The following GPR158 variants were observed in gnomAD, a reference collection of about 807,000 sequenced individuals.
The protein encoded by GPR158 is metabotropic glycine receptor.
Under a neutral mutation model 78.2 loss-of-function variants are expected in GPR158, and 30 were observed. The observed-to-expected ratio is 0.38, with a 90% CI of 0.29 to 0.52. The LOEUF is 0.52. Among genes scored for constraint, GPR158 ranks in the 20% least tolerant of loss-of-function variants. GPR158 has a pLI of 0.83. For synonymous variants in GPR158, 581 were observed against 591.1 expected, an observed-to-expected ratio of 0.98 and a Z score of 0.25; for missense variants, 1,463 against 1,523.5, an observed-to-expected ratio of 0.96 and a Z score of 0.66.
chr10:25,412,789 T>G (rs1019587014), intron 4 of GPR158, among the ~76,000 whole-genome samples: 2 of 152,252 alleles, frequency 1.3e-5, no homozygotes, highest in African/African-American at 4.8e-5. Flanking sequence ...GCATCCAATG[T>G]ATTATTAATT....
At chr10:25,551,156 C>T in intron 6 of GPR158, 71 bp downstream of exon 6, 1 of 847,234 alleles carries the variant, frequency 1.2e-6, no homozygotes, top group African/African-American at 1.7e-5. Flanking sequence ...TAATTGTTAG[C>T]TGGGCTGACC....
intron 5 of GPR158, among the ~76,000 whole-genome samples, chr10:25,530,869 A>G (rs370272901): frequency 1.3e-5 from 2 of 152,100 alleles, no homozygotes; most frequent in East Asian, 1.9e-4. Context: ...TCTGCTGGAG[A>G]TGGCCTCACT....
At chr10:25,568,594 C>T (rs1836963476) in intron 6 of GPR158, among the ~76,000 whole-genome samples, 1 of 152,168 alleles carries the variant, frequency 6.6e-6, no homozygotes, top group East Asian at 1.9e-4. Flanking sequence ...CATGGATAAC[C>T]CAAGTACAAG....
chr10:25,200,868 G>GTTTTTTTTTTTTTTTTT (rs56696555), intron 1 of GPR158, among the ~76,000 whole-genome samples: 2 of 113,304 alleles, frequency 1.8e-5, no homozygotes, highest in Admixed American at 9.2e-5. Flanking sequence ...TTTTTGTTTT[G>GTTTTTTTTTTTTTTTTT]TTTTTTTTTT....
chr10:25,429,508 A>T (rs1931291), intron 4 of GPR158, among the ~76,000 whole-genome samples: 87,980 of 151,918 alleles, frequency 0.58, 26,777 homozygotes, highest in Non-Finnish European at 0.68. Context: ...GCTCATTTGT[A>T]GATTACCTTT....
chr10:25,294,112 G>A (rs1588780667), intron 2 of GPR158, among the ~76,000 whole-genome samples: 3 of 151,998 alleles, frequency 2.0e-5, no homozygotes. Context: ...CTTTCATCTT[G>A]CCATTGTTGC....
intron 2 of GPR158, among the ~76,000 whole-genome samples, chr10:25,391,666 G>T (rs1040101943): frequency 3.3e-5 from 5 of 152,186 alleles, no homozygotes; most frequent in Non-Finnish European, 7.3e-5. Context: ...AGGTTCATAG[G>T]TGGAGGGGGC....
intron 2 of GPR158, among the ~76,000 whole-genome samples, chr10:25,249,672 A>G (rs1853761805): frequency 1.3e-5 from 2 of 151,616 alleles, no homozygotes; most frequent in South Asian, 4.2e-4. Flanking sequence ...CCACTTGATC[A>G]TGGTGGATAA....
At chr10:25,527,028 A>G (rs190290654) in intron 5 of GPR158, among the ~76,000 whole-genome samples, 53 of 152,282 alleles carry the variant, frequency 3.5e-4, no homozygotes, top group African/African-American at 1.2e-3. Flanking sequence ...GAAAGGAGAT[A>G]TTCACAGAAA....
At chr10:25,468,910 A>G (rs1354847627) in intron 5 of GPR158, among the ~76,000 whole-genome samples, 1 of 152,224 alleles carries the variant, frequency 6.6e-6, no homozygotes, top group Non-Finnish European at 1.5e-5. Context: ...ACACTAAGAA[A>G]GCAGTAAAGA....
intron 2 of GPR158, among the ~76,000 whole-genome samples, chr10:25,269,434 T>A (rs917792635): frequency 2.6e-5 from 4 of 152,184 alleles, no homozygotes; most frequent in African/African-American, 9.6e-5. Flanking sequence ...TAGTTGCCTC[T>A]GTGGCTGAAG....
chr10:25,241,363 T>TC (rs1853622282), intron 2 of GPR158, among the ~76,000 whole-genome samples: 3 of 138,200 alleles, frequency 2.2e-5, no homozygotes, highest in African/African-American at 9.0e-5. Flanking sequence ...TTCTTTTCTC[T>TC]TTTCTTTTCT....
At chr10:25,203,104 A>AT (rs1255450687) in intron 1 of GPR158, among the ~76,000 whole-genome samples, 6 of 150,432 alleles carry the variant, frequency 4.0e-5, no homozygotes, top group Non-Finnish European at 6.0e-5. Context: ...ATGGGGTTTG[A>AT]TTTTTTTCTT....
intron 4 of GPR158, among the ~76,000 whole-genome samples, chr10:25,424,150 T>C (rs1054687142): frequency 1.3e-5 from 2 of 152,224 alleles, no homozygotes; most frequent in Non-Finnish European, 2.9e-5. Context: ...GAGCATTTTT[T>C]CATGTGTCTG....
chr10:25,210,915 C>T (rs201612878), intron 1 of GPR158, among the ~76,000 whole-genome samples: 1 of 152,162 alleles, frequency 6.6e-6, no homozygotes, highest in Non-Finnish European at 1.5e-5. Flanking sequence ...GGGTGGATCA[C>T]GAGGTCAGGA....
At chr10:25,581,138 C>G (rs965470760) in intron 7 of GPR158, among the ~76,000 whole-genome samples, 1 of 151,884 alleles carries the variant, frequency 6.6e-6, no homozygotes, top group Non-Finnish European at 1.5e-5. Context: ...CCTTGTTAGC[C>G]AGGATGGTCT....
At chr10:25,597,676 G>T (rs1187450851) in intron 10 of GPR158, 96 bp from the exon 11 acceptor site, 4 of 951,336 alleles carry the variant, frequency 4.2e-6, no homozygotes, top group African/African-American at 1.7e-5. Context: ...CCCCAAATTA[G>T]AGCCCAAGTT....
chr10:25,555,013 G>C (rs1836768875), intron 6 of GPR158, among the ~76,000 whole-genome samples: 1 of 149,930 alleles, frequency 6.7e-6, no homozygotes, highest in African/African-American at 2.5e-5. Flanking sequence ...AGAGAGGAAA[G>C]AAAGAAAAGA....
intron 2 of GPR158, among the ~76,000 whole-genome samples, chr10:25,310,285 C>T (rs559818900): frequency 7.2e-5 from 11 of 152,244 alleles, no homozygotes; most frequent in African/African-American, 1.9e-4. Flanking sequence ...ATTACAAAAC[C>T]GTTGGATTCC....
Sources: gnomAD v4.1 joint callset for allele counts (sites outside exome capture counted in the v4.1 genomes callset) on GRCh38, gnomAD v4.1.1 for gene constraint, MANE v1.5 for transcripts, NCBI Gene and HGNC (gene_info 2026-07-23, HGNC 2026-07-21) for gene names.